The following ZNF208 variants were observed in gnomAD, a reference collection of about 807,000 sequenced individuals.
The protein encoded by ZNF208 is zinc finger protein 208.
ZNF208 carries 10 observed loss-of-function variants against 12.1 expected under a neutral mutation model. The ratio of observed to expected loss-of-function variants is 0.83; its 90% CI spans 0.51 to 1.40. ZNF208 has a LOEUF of 1.40. Among genes scored for constraint, ZNF208 ranks in the 40% most tolerant of loss-of-function variants. The pLI is 0.00. For synonymous variants in ZNF208, 497 were observed against 488.4 expected, an observed-to-expected ratio of 1.02 and a Z score of -0.23; for missense variants, 1,652 against 1,485.0, an observed-to-expected ratio of 1.11 and a Z score of -1.85.
chr19:21,973,294 G>C lies in ZNF208; in HGVS notation c.1740C>G (p.Pro580=). The change falls in exon 4 of 4, where the codon CCC becomes CCG. Residue 580 remains proline, a synonymous_variant. Transcript: ENST00000397126. ...CTTTGCCACATTCTTCACATTTGTA[G>C]GGTTTCTCTACAGTATGAATTTTCT... The part of the protein sequence containing the change: ...YHKKIHTVEK[P]YKCEECGKAF... 1.2e-6 allele frequency: 2 copies of C among 1,610,750 alleles called. No homozygotes were observed. The highest frequency in any genetic ancestry group is 1.7e-6 in the Non-Finnish European group (2 of 1,178,548).
chr19:21,994,951 TTTC>T (rs771282317), intron 1 of ZNF208, among the ~76,000 whole-genome samples: 29 of 41,174 alleles, frequency 7.0e-4, no homozygotes, highest in Non-Finnish European at 1.3e-3. Context: ...CTGTTTTTCT[TTTC>T]TTTTTTTTTT....
chr19:21,948,993 G>A (rs1405462738), intron 4 of ZNF208, among the ~76,000 whole-genome samples: 5 of 152,158 alleles, frequency 3.3e-5, no homozygotes. Context: ...AGCTTGCAAA[G>A]AACCACAATC....
intron 1 of ZNF208, among the ~76,000 whole-genome samples, chr19:22,006,540 C>T (rs1245395090): frequency 1.3e-5 from 2 of 152,122 alleles, no homozygotes; most frequent in Non-Finnish European, 2.9e-5. Flanking sequence ...CTGCATCTGC[C>T]TGTGGGGCCC....
intron 4 of ZNF208, among the ~76,000 whole-genome samples, chr19:21,958,456 T>C (rs28895422): frequency 0.048 from 7,253 of 152,204 alleles, 472 homozygotes; most frequent in African/African-American, 0.15. Context: ...AGCTTTCTTT[T>C]ATCAGAAAGT....
rs1472347257 is a variant in ZNF208 at position 21,967,008 on chromosome 19, T to C, written c.*4183A>G. The C allele has an allele frequency of 6.6e-6, 1 of 152,198 alleles. No individual in the cohort carries two copies. The highest frequency in any genetic ancestry group is 1.5e-5 in the Non-Finnish European group (1 of 68,028). The allele number at this position is 152,198 out of a possible 1,614,324, so 9.4% of individuals were successfully genotyped here. On this transcript the variant is annotated 3_prime_UTR_variant, in exon 4 of 4. Transcript: ENST00000397126. ...TGCAGTTTGCAAATATTTTATTTCA[T>C]ACTGTAGGTCATCTGTTTACTTTGC...
rs1390768988 is a variant in ZNF208, at chr19:21,994,089, A to T, written c.4-5180T>A. Among the ~76,000 whole-genome samples the T allele has an allele frequency of 2.6e-5, 4 of 152,232 alleles. No homozygotes were observed. The East Asian group carries it at 7.7e-4, about 29-fold the overall frequency. ...TAACTGTCATTGATTTTTTCAAAAA[A>T]TGTATAGAACAAAAGCTAAATATAG... is the stretch of plus-strand genomic sequence containing the variant. On this transcript the variant is annotated intron_variant, in intron 1 of 3. Transcript: ENST00000397126.
rs1485620013 is a variant in ZNF208 at position 21,970,663 on chromosome 19, A to T, written c.*528T>A. 2 of 1,056,598 alleles carry T rather than the reference A, an allele frequency of 1.9e-6. No homozygotes were observed. The highest frequency in any genetic ancestry group is 3.1e-5 in the African/African-American group (2 of 63,956). The allele number at this position is 1,056,598 out of a possible 1,614,324, so 65.5% of individuals were successfully genotyped here. On this transcript the variant is annotated 3_prime_UTR_variant, in exon 4 of 4. Coordinates refer to ENST00000397126, the MANE Select transcript of ZNF208 (RefSeq NM_007153.3). ...TTCCATAAGGTTTGAGGACTGGTTG[A>T]AGCCTTTGCCACATTCTTCTCATTT...
intron 1 of ZNF208, among the ~76,000 whole-genome samples, chr19:22,010,447 T>C (rs903854710): frequency 1.6e-4 from 25 of 152,166 alleles, no homozygotes; most frequent in African/African-American, 5.3e-4. Flanking sequence ...ACCAAAGCTC[T>C]TCCCATTCAT....
intron 2 of ZNF208, among the ~76,000 whole-genome samples, chr19:21,987,673 A>AC (rs1162294925): frequency 2.6e-5 from 4 of 152,074 alleles, no homozygotes; most frequent in Admixed American, 1.3e-4. Context: ...AGTTAGGCCC[A>AC]CCCCCCAACA....
intron 1 of ZNF208, among the ~76,000 whole-genome samples, chr19:21,996,899 T>C (rs1353073047): frequency 2.6e-5 from 4 of 152,166 alleles, no homozygotes; most frequent in African/African-American, 9.7e-5. Flanking sequence ...AGATACCAAG[T>C]ACGTAGAGAC....
At chr19:21,958,650 T>A (rs1434514480) in intron 4 of ZNF208, among the ~76,000 whole-genome samples, 1 of 152,216 alleles carries the variant, frequency 6.6e-6, no homozygotes, top group South Asian at 2.1e-4. Context: ...CTAAAAACTA[T>A]CAAGCTCCAA....
At chr19:21,949,540 T>A (rs2145515080) in intron 4 of ZNF208, among the ~76,000 whole-genome samples, 1 of 152,182 alleles carries the variant, frequency 6.6e-6, no homozygotes, top group African/African-American at 2.4e-5. Flanking sequence ...ACCACCTTAT[T>A]AAAAAAACTC....
At position 21,972,021 on chromosome 19, in the gene ZNF208, C is replaced by T. The variant is rs748350500; in HGVS notation, c.3013G>A (p.Glu1005Lys). Reference sequence around the variant, plus strand: ...GACCAGTTGAAAGCTTTGCCACATTCTTCACATTTGTAGGGTTTCTCTCCA... The same window carrying T: ...GACCAGTTGAAAGCTTTGCCACATTTTTCACATTTGTAGGGTTTCTCTCCA... The part of the protein sequence containing the change: ...HTGEKPYKCE[E>K]CGKAFNWSSN... Residue 1005 changes from glutamate to lysine, a missense_variant, in exon 4 of 4, where the codon GAA becomes AAA. Glu to Lys is a moderately conservative substitution (Grantham distance 56). Around this residue, in one of 3 missense-constraint regions of ZNF208, gnomAD observed 1,239 missense variants for 1,086.2 expected, o/e 1.14. Transcript: ENST00000397126. The T allele has an allele frequency of 6.2e-7, 1 of 1,613,824 alleles. No homozygotes were observed. Among genetic ancestry groups the T allele is most frequent in the Admixed American group, 1.7e-5 (1 of 59,936 alleles).
At chr19:21,963,902 G>T (rs867088126), downstream of ZNF208, among the ~76,000 whole-genome samples, 14 of 151,830 alleles carry the variant, frequency 9.2e-5, no homozygotes, top group African/African-American at 3.1e-4. Flanking sequence ...TTTCAAATAG[G>T]TTAAGTAAGT....
At chr19:21,988,710 C>G in intron 2 of ZNF208, 73 bp downstream of exon 2, 1 of 1,609,886 alleles carries the variant, frequency 6.2e-7, no homozygotes, top group Middle Eastern at 1.7e-4. Flanking sequence ...CTCCGTTGTT[C>G]AGTCCAATAA....
chr19:21,979,729 A>G lies in ZNF208; in HGVS notation c.227-4922T>C, dbSNP rs573101513. 7.2e-4 allele frequency among the ~76,000 whole-genome samples: 110 copies of G among 152,336 alleles called. 1 individual carries two copies. Among genetic ancestry groups the G allele is most frequent in the African/African-American group, 2.5e-3 (105 of 41,580 alleles). On this transcript the variant is annotated intron_variant, in intron 3 of 3. Coordinates refer to ENST00000397126, the MANE Select transcript of ZNF208 (RefSeq NM_007153.3). ...TGACAGGATCAAATTCACACACAACAATATTAACCTTAAATGTAAACAGGC... is the reference window on the plus strand; with the variant it reads ...TGACAGGATCAAATTCACACACAACGATATTAACCTTAAATGTAAACAGGC...
Position 21,973,632 on chromosome 19 carries a change from G to C in ZNF208, c.1402C>G (p.Leu468Val). 1 of 1,611,022 alleles carries C rather than the reference G, an allele frequency of 6.2e-7. No individual in the cohort carries two copies. Among genetic ancestry groups the C allele is most frequent in the South Asian group, 1.1e-5 (1 of 91,010 alleles). Residue 468 changes from leucine to valine, a missense_variant, in exon 4 of 4, where the codon CTT becomes GTT. Around this residue, in one of 3 missense-constraint regions of ZNF208, gnomAD observed 1,239 missense variants for 1,086.2 expected, o/e 1.14. Transcript: ENST00000397126. Reference sequence around the variant, plus strand: ...TTATGAATTACCTTATGTTTAGTAAGGATTGAGAACATACTAAAGCCTTTG... The same window carrying C: ...TTATGAATTACCTTATGTTTAGTAACGATTGAGAACATACTAAAGCCTTTG... ...CGKGFSMFSI[L>V]TKHKVIHNGE...
intron 2 of ZNF208, 73 bp from the exon 3 acceptor site, chr19:21,987,384 A>T (rs1364820454): frequency 1.4e-6 from 2 of 1,405,942 alleles, no homozygotes; most frequent in Non-Finnish European, 1.9e-6. Context: ...TGTGCTCAGT[A>T]AAGAGGATGT....
chr19:21,989,488 G>A (rs1042218099), intron 1 of ZNF208, among the ~76,000 whole-genome samples: 5 of 151,888 alleles, frequency 3.3e-5, no homozygotes, highest in East Asian at 1.9e-4. Context: ...GTCATTGTTG[G>A]TCATTTGGGT....
Sources: allele counts gnomAD v4.1 joint callset (sites outside exome capture counted in the v4.1 genomes callset), GRCh38; gene constraint gnomAD v4.1.1; regional missense constraint gnomAD v4.1.1; transcripts MANE v1.5; gene names NCBI Gene and HGNC (gene_info 2026-07-23, HGNC 2026-07-21).